ANK2: variants seen among roughly 807,000 people sequenced by gnomAD.
ANK2 encodes the protein ankyrin 2.
ANK2 carries 83 observed loss-of-function variants against 360.5 expected under a neutral mutation model. The ratio of observed to expected loss-of-function variants is 0.23; its 90% CI spans 0.19 to 0.28. The LOEUF (loss-of-function observed/expected upper bound fraction) is 0.28. ANK2 is among the 10% of genes least tolerant of loss of function. The probability of loss-of-function intolerance (pLI) is 1.00; values close to 1 mark genes in which losing one functional copy is unlikely to be tolerated. For synonymous variants in ANK2, 1,740 were observed against 1,759.5 expected (o/e 0.99, Z 0.28); for missense variants, 4,201 against 4,795.7 (o/e 0.88, Z 3.66).
intron 1 of ANK2, among the ~76,000 whole-genome samples, chr4:113,156,928 G>C (rs1331311703): frequency 1.3e-5 from 2 of 151,722 alleles, no homozygotes; most frequent in African/African-American, 4.8e-5. Flanking sequence ...GGCTAGGGAA[G>C]GCTATATTTT....
chr4:113,339,131 G>A lies in ANK2; in HGVS notation c.3797-95G>A, dbSNP rs531469161. On this transcript the variant is annotated intron_variant, in intron 31 of 45. Coordinates refer to ENST00000357077, the MANE Select transcript of ANK2 (RefSeq NM_001148.6). Reference sequence around the variant, plus strand: ...TTCAATGTGCCATTTTGAGGGGTGGGATTTGGCTTGTGAACACAGAACCAC... The same window carrying A: ...TTCAATGTGCCATTTTGAGGGGTGGAATTTGGCTTGTGAACACAGAACCAC... The A allele has an allele frequency of 4.0e-5, 41 of 1,013,078 alleles. No homozygotes were observed. In the Admixed American group the frequency reaches 5.8e-4, roughly 14 times the overall value. The allele number at this position is 1,013,078 out of a possible 1,614,324, so 62.8% of individuals were successfully genotyped here.
At chr4:112,838,915 C>T (rs566412079) in intron 1 of ANK2, among the ~76,000 whole-genome samples, 44 of 152,260 alleles carry the variant, frequency 2.9e-4, no homozygotes, top group African/African-American at 1.1e-3. Flanking sequence ...TGGTATTTCA[C>T]TTTCTCATAG....
intron 1 of ANK2, among the ~76,000 whole-genome samples, chr4:112,819,923 ACC>A (rs1219142269): frequency 6.6e-6 from 1 of 151,576 alleles, no homozygotes; most frequent in Non-Finnish European, 1.5e-5. Flanking sequence ...CCTAGACCAC[ACC>A]CCCTTTTTTG....
chr4:112,870,127 T>C (rs2072365772), intron 1 of ANK2, among the ~76,000 whole-genome samples: 1 of 152,056 alleles, frequency 6.6e-6, no homozygotes, highest in Non-Finnish European at 1.5e-5. Flanking sequence ...GCTTCCCTAG[T>C]AGCTGGGACT....
At chr4:113,108,364 G>A (rs115267269) in intron 1 of ANK2, among the ~76,000 whole-genome samples, 7 of 152,066 alleles carry the variant, frequency 4.6e-5, no homozygotes, top group Admixed American at 2.6e-4. Flanking sequence ...AGCATGCATC[G>A]TAATTTTCAT....
intron 1 of ANK2, among the ~76,000 whole-genome samples, chr4:113,127,405 GA>G (rs564706813): frequency 7.3e-4 from 110 of 151,604 alleles, no homozygotes; most frequent in Non-Finnish European, 1.4e-3. Context: ...AATGGCAATG[GA>G]AAAATTAGAG....
intron 2 of ANK2, among the ~76,000 whole-genome samples, chr4:112,960,250 C>A (rs574326267): frequency 6.6e-6 from 1 of 152,092 alleles, no homozygotes; most frequent in East Asian, 1.9e-4. Context: ...TTGTCCACAA[C>A]CTTCTTTTGG....
At chr4:112,710,905 A>T in the ANK2 span, among the ~76,000 whole-genome samples, 13 of 130,720 alleles carry the variant, frequency 9.9e-5, no homozygotes, top group Admixed American at 2.3e-4. Flanking sequence ...AACAGGTTTT[A>T]TATATATATA....
At chr4:113,191,252 A>G (rs979976903) in intron 2 of ANK2, among the ~76,000 whole-genome samples, 4 of 152,192 alleles carry the variant, frequency 2.6e-5, no homozygotes, top group Admixed American at 6.5e-5. Flanking sequence ...CGGAGGCAGG[A>G]GAATCGCTTG....
At chr4:113,230,128 G>A (rs773444732) in intron 4 of ANK2, among the ~76,000 whole-genome samples, 3 of 152,006 alleles carry the variant, frequency 2.0e-5, no homozygotes, top group Non-Finnish European at 2.9e-5. Context: ...TATCCAGCTA[G>A]CAAGTTATTC....
chr4:113,045,634 A>G (rs945554115), upstream of ANK2, among the ~76,000 whole-genome samples: 2 of 152,206 alleles, frequency 1.3e-5, no homozygotes, highest in Non-Finnish European at 2.9e-5. Context: ...CTTGAATTAT[A>G]TCAACGAGAA....
At position 113,192,039 on chromosome 4, in the gene ANK2, A is replaced by T. The variant is rs561108579; in HGVS notation, c.187-4329A>T. 2.6e-5 allele frequency among the ~76,000 whole-genome samples: 4 copies of T among 152,350 alleles called. No individual in the cohort carries two copies. In the South Asian group the frequency reaches 8.3e-4, roughly 32 times the overall value. ...AAATTAAGTTCAGAAAACTCAAATA[A>T]GTCTACCAACAAAACCATTTCTTTT... On this transcript the variant is annotated intron_variant, in intron 2 of 45. Coordinates refer to ENST00000357077, the MANE Select transcript of ANK2 (RefSeq NM_001148.6).
chr4:112,822,544 G>C (rs1004002577), intron 1 of ANK2, among the ~76,000 whole-genome samples: 3 of 151,750 alleles, frequency 2.0e-5, no homozygotes, highest in Non-Finnish European at 4.4e-5. Flanking sequence ...TCAGGAGTTC[G>C]AGACCAGCTT....
At chr4:112,915,312 A>T (rs1442941871) in intron 2 of ANK2, among the ~76,000 whole-genome samples, 2 of 152,196 alleles carry the variant, frequency 1.3e-5, no homozygotes, top group Non-Finnish European at 2.9e-5. Flanking sequence ...GTCAAACTTG[A>T]TCTAAAGACC....
At chr4:113,035,371 T>C (rs901861469) in intron 2 of ANK2, among the ~76,000 whole-genome samples, 2 of 151,794 alleles carry the variant, frequency 1.3e-5, no homozygotes, top group African/African-American at 2.4e-5. Context: ...TCATAGTCAG[T>C]TTGGGATTTC....
At chr4:112,952,996 G>T (rs546257755) in intron 2 of ANK2, among the ~76,000 whole-genome samples, 1 of 152,238 alleles carries the variant, frequency 6.6e-6, no homozygotes, top group South Asian at 2.1e-4. Flanking sequence ...AAGTACCCAG[G>T]ATATGCCAAG....
chr4:113,303,865 T>A (rs1587729108), intron 23 of ANK2, among the ~76,000 whole-genome samples: 1 of 152,208 alleles, frequency 6.6e-6, no homozygotes, highest in Non-Finnish European at 1.5e-5. Context: ...TTAATACTCA[T>A]TGCTTTTATA....
chr4:113,096,666 G>T (rs139010101), intron 1 of ANK2, among the ~76,000 whole-genome samples: 99 of 152,244 alleles, frequency 6.5e-4, no homozygotes, highest in African/African-American at 2.4e-3. Flanking sequence ...AATGTATGCT[G>T]CAGGAGCACA....
chr4:113,275,591 G>A (rs1174575334), intron 15 of ANK2, among the ~76,000 whole-genome samples: 3 of 152,102 alleles, frequency 2.0e-5, no homozygotes, highest in Admixed American at 2.0e-4. Flanking sequence ...TAGCTGTTAT[G>A]GCTTATCTGG....
Sources: allele counts gnomAD v4.1 joint callset (sites outside exome capture counted in the v4.1 genomes callset), GRCh38; gene constraint gnomAD v4.1.1; transcripts MANE v1.5; gene names NCBI Gene and HGNC (gene_info 2026-07-23, HGNC 2026-07-21).